The following ANGPT1 variants were observed in gnomAD, a reference collection of about 807,000 sequenced individuals.
ANGPT1 encodes the protein angiopoietin 1, also known as angiopoietin-1.
In ANGPT1, 17 loss-of-function variants were observed where a neutral mutation model predicts 62.2. The ratio of observed to expected loss-of-function variants is 0.27; its 90% confidence interval spans 0.19 to 0.41. The LOEUF (loss-of-function observed/expected upper bound fraction) is 0.41, where lower values mean the gene tolerates loss of function less well. ANGPT1 is among the 10% of genes least tolerant of loss of function. The pLI, the probability that ANGPT1 is intolerant of heterozygous loss-of-function variation, is 1.00. For missense variants in ANGPT1, 478 were observed against 594.9 expected, an observed-to-expected ratio of 0.80 and a Z score of 2.04; for synonymous variants, 199 against 198.9, an observed-to-expected ratio of 1.00 and a Z score of 0.00.
chr8:107,467,762 A>ATTTCCTTTTT (rs1812241860), intron 1 of ANGPT1, among the ~76,000 whole-genome samples: 1 of 152,128 alleles, frequency 6.6e-6, no homozygotes, highest in Non-Finnish European at 1.5e-5. Flanking sequence ...GCTGGGCAAA[A>ATTTCCTTTTT]AGGAAATGTT....
intron 1 of ANGPT1, among the ~76,000 whole-genome samples, chr8:107,482,557 T>G (rs1339569660): frequency 1.3e-5 from 2 of 152,174 alleles, no homozygotes; most frequent in Non-Finnish European, 2.9e-5. Context: ...AGATGGGAAT[T>G]CAATTCCCTT....
chr8:107,389,821 T>C (rs907781663), intron 1 of ANGPT1, among the ~76,000 whole-genome samples: 6 of 152,038 alleles, frequency 3.9e-5, no homozygotes, highest in Non-Finnish European at 1.5e-5. Flanking sequence ...TTGTGGCTAC[T>C]CCCTCCATCT....
intron 6 of ANGPT1, among the ~76,000 whole-genome samples, chr8:107,291,600 A>T (rs935377854): frequency 1.5e-4 from 22 of 151,690 alleles, no homozygotes; most frequent in Non-Finnish European, 5.9e-5. Flanking sequence ...TTTAGTAGAG[A>T]CGGGGTTTCA....
At chr8:107,431,994 A>T (rs74706442) in intron 1 of ANGPT1, among the ~76,000 whole-genome samples, 6,990 of 152,248 alleles carry the variant, frequency 0.046, 166 homozygotes, top group Middle Eastern at 0.068. Flanking sequence ...TGGCAACTCA[A>T]TTGAGCATAG....
At chr8:107,287,459 CTT>C (rs1212623117) in intron 6 of ANGPT1, among the ~76,000 whole-genome samples, 24 of 152,124 alleles carry the variant, frequency 1.6e-4, no homozygotes, top group Non-Finnish European at 2.6e-4. Flanking sequence ...TTTCGAGCTC[CTT>C]CCCAAAAAAC....
chr8:107,429,995 C>T lies in ANGPT1; in HGVS notation c.297+67267G>A, dbSNP rs551988051. Among the ~76,000 whole-genome samples, 10 of 146,430 alleles carry T rather than the reference C, an allele frequency of 6.8e-5. No individual in the cohort carries two copies. The East Asian group carries it at 1.9e-3, about 27-fold the overall frequency. On this transcript the variant is annotated intron_variant, in intron 1 of 8. Coordinates refer to ENST00000517746, the MANE Select transcript of ANGPT1 (RefSeq NM_001146.5). ...TCCATTTGTCATGTGGGTGATTTTT[C>T]ATTTTTAAAGTCACAGGTTAAGTAA...
At chr8:107,448,534 T>C (rs1386667419) in intron 1 of ANGPT1, among the ~76,000 whole-genome samples, 3 of 152,164 alleles carry the variant, frequency 2.0e-5, no homozygotes, top group Admixed American at 2.0e-4. Flanking sequence ...ACTCTGCTCT[T>C]ACGGTGTATG....
chr8:107,263,228 C>T (rs1813534658), intron 8 of ANGPT1, among the ~76,000 whole-genome samples: 1 of 151,626 alleles, frequency 6.6e-6, no homozygotes, highest in Admixed American at 6.6e-5. Flanking sequence ...GTGGTGGGCA[C>T]CTGTAATCCC....
chr8:107,255,405 A>G (rs962625407), intron 8 of ANGPT1, among the ~76,000 whole-genome samples: 4 of 152,162 alleles, frequency 2.6e-5, no homozygotes, highest in African/African-American at 4.8e-5. Flanking sequence ...ACAGGAGGGA[A>G]AACATAAAGG....
chr8:107,482,596 G>A (rs536891596), intron 1 of ANGPT1, among the ~76,000 whole-genome samples: 12 of 152,184 alleles, frequency 7.9e-5, no homozygotes, highest in South Asian at 6.2e-4. Context: ...CAAGGGGAGG[G>A]GAACTCTTCA....
At chr8:107,281,468 T>C (rs565289043) in intron 7 of ANGPT1, among the ~76,000 whole-genome samples, 2 of 152,264 alleles carry the variant, frequency 1.3e-5, no homozygotes, top group Admixed American at 6.5e-5. Flanking sequence ...GACCAAAACC[T>C]CAGTTTTCTT....
chr8:107,312,213 C>G (rs776697778), intron 4 of ANGPT1, among the ~76,000 whole-genome samples: 1 of 152,160 alleles, frequency 6.6e-6, no homozygotes, highest in African/African-American at 2.4e-5. Flanking sequence ...TGGGCAGTTA[C>G]GAATGCTGCA....
chr8:107,365,031 G>A, intron 1 of ANGPT1, among the ~76,000 whole-genome samples: 1 of 152,076 alleles, frequency 6.6e-6, no homozygotes, highest in Non-Finnish European at 1.5e-5. Flanking sequence ...CTGACTTCAA[G>A]GAATGAAGCA....
chr8:107,401,047 C>T (rs60962947), intron 1 of ANGPT1, among the ~76,000 whole-genome samples: 1,920 of 152,238 alleles, frequency 0.013, 44 homozygotes, highest in African/African-American at 0.044. Context: ...TAAAACGTTA[C>T]TTTTGGAAAT....
intron 7 of ANGPT1, among the ~76,000 whole-genome samples, chr8:107,279,889 G>T (rs1372749328): frequency 2.0e-5 from 3 of 152,134 alleles, no homozygotes; most frequent in Non-Finnish European, 2.9e-5. Context: ...TGGGAGCACA[G>T]AGTATCCAAA....
At position 107,448,459 on chromosome 8, in the gene ANGPT1, A is replaced by G. The variant is rs1205808019; in HGVS notation, c.297+48803T>C. Among the ~76,000 whole-genome samples the G allele has an allele frequency of 2.0e-5, 3 of 152,282 alleles. No homozygotes were observed. In the East Asian group the frequency reaches 5.8e-4, roughly 29 times the overall value. On this transcript the variant is annotated intron_variant, in intron 1 of 8. Coordinates refer to ENST00000517746, the MANE Select transcript of ANGPT1 (RefSeq NM_001146.5). ...TACAGAAAGCTGACTATGTGGTTAT[A>G]TATAAGTATCTAGTAAAAGAGCAAA...
At chr8:107,350,937 A>G (rs991349381) in intron 1 of ANGPT1, among the ~76,000 whole-genome samples, 2 of 152,158 alleles carry the variant, frequency 1.3e-5, no homozygotes, top group Non-Finnish European at 2.9e-5. Flanking sequence ...CATAGCAGCC[A>G]GGTTCAGAAA....
chr8:107,490,091 C>G (rs1365772962), intron 1 of ANGPT1, among the ~76,000 whole-genome samples: 3 of 152,174 alleles, frequency 2.0e-5, no homozygotes, highest in African/African-American at 7.2e-5. Context: ...TGTTTTGTAG[C>G]TGAGCTACCC....
intron 8 of ANGPT1, 123 bp downstream of exon 8, chr8:107,264,098 T>A (rs1347021797): frequency 2.4e-6 from 3 of 1,225,718 alleles, no homozygotes; most frequent in Non-Finnish European, 3.3e-6. Context: ...CAGAACAAAA[T>A]GATCTCTAGG....
Sources: allele counts gnomAD v4.1 joint callset (sites outside exome capture counted in the v4.1 genomes callset), GRCh38; gene constraint gnomAD v4.1.1; transcripts MANE v1.5; gene names NCBI Gene and HGNC (gene_info 2026-07-23, HGNC 2026-07-21).